KIRREL3: variants seen among roughly 807,000 people sequenced by gnomAD.
KIRREL3 encodes kin of IRRE-like protein 3.
In KIRREL3, 36 loss-of-function variants were observed where a neutral mutation model predicts 89.7. The observed-to-expected ratio is 0.40, with a 90% CI of 0.31 to 0.53. KIRREL3 has a LOEUF of 0.53. Among genes scored for constraint, KIRREL3 ranks in the 20% least tolerant of loss-of-function variants. KIRREL3 has a pLI of 0.49. For synonymous variants in KIRREL3, 445 were observed against 441.4 expected (o/e 1.01, Z -0.10); for missense variants, 864 against 1,056.6 (o/e 0.82, Z 2.53).
intron 1 of KIRREL3, among the ~76,000 whole-genome samples, chr11:126,921,579 CTTCT>C (rs1197218985): frequency 1.8e-5 from 2 of 111,410 alleles, no homozygotes; most frequent in African/African-American, 3.7e-5. Context: ...CTATATCTGT[CTTCT>C]ATCTATCTAT....
intron 1 of KIRREL3, among the ~76,000 whole-genome samples, chr11:126,692,735 G>A (rs1946928819): frequency 6.6e-6 from 1 of 152,162 alleles, no homozygotes; most frequent in Admixed American, 6.5e-5. Flanking sequence ...AAACAAGCCA[G>A]TCACAAAAGG....
chr11:126,581,923 C>T (rs1408900807), intron 1 of KIRREL3, among the ~76,000 whole-genome samples: 10 of 152,142 alleles, frequency 6.6e-5, no homozygotes, highest in Admixed American at 3.9e-4. Context: ...AGGTAACAGA[C>T]CACACCTGAC....
intron 1 of KIRREL3, among the ~76,000 whole-genome samples, chr11:126,738,920 A>C (rs1204617195): frequency 6.6e-6 from 1 of 152,232 alleles, no homozygotes; most frequent in Non-Finnish European, 1.5e-5. Flanking sequence ...AGGGTCCTAA[A>C]CAAAGCATCT....
chr11:126,502,576 T>C (rs1229417305), intron 4 of KIRREL3, among the ~76,000 whole-genome samples: 3 of 152,242 alleles, frequency 2.0e-5, no homozygotes, highest in Non-Finnish European at 4.4e-5. Context: ...CTTTTGGTGC[T>C]GTGTCTCTCT....
rs1946230001 is a variant in KIRREL3, at chr11:126,677,130, T to C, written c.56-114218A>G. ...AAGAATACAATTCAGTGATTTTTAA[T>C]ATATTCGCAGATTTGCACAACCACC... On this transcript the variant is annotated intron_variant, in intron 1 of 16. Coordinates refer to ENST00000525144, the MANE Select transcript of KIRREL3 (RefSeq NM_032531.4). This position sits in a 1 kb window ranked among gnomAD's most constrained non-coding sequence, Gnocchi z 5.1. Among the ~76,000 whole-genome samples, 1 of 152,112 alleles carries C rather than the reference T, an allele frequency of 6.6e-6. No individual in the cohort carries two copies. Among genetic ancestry groups the C allele is most frequent in the South Asian group, 2.1e-4 (1 of 4,826 alleles).
intron 1 of KIRREL3, among the ~76,000 whole-genome samples, chr11:126,939,317 T>C (rs910306091): frequency 6.6e-6 from 1 of 152,182 alleles, no homozygotes; most frequent in Non-Finnish European, 1.5e-5. Flanking sequence ...AATTAGTTTG[T>C]CTTTCTGGAT....
At chr11:126,506,869 C>T (rs561037234) in intron 4 of KIRREL3, among the ~76,000 whole-genome samples, 14 of 152,158 alleles carry the variant, frequency 9.2e-5, no homozygotes, top group Middle Eastern at 6.8e-3. Context: ...AAGTGATCCA[C>T]GTGTCTCAGC....
In KIRREL3 at chr11:126,444,533, C is replaced by A. The variant is rs574414855; in HGVS notation, c.1252+446G>T. ...CCAGCTACTCAGGAAGGTGAGGTTG[C>A]AGTGAGCTGAGATCGTGCCACTGCA... On this transcript the variant is annotated intron_variant, in intron 10 of 16. Transcript: ENST00000525144. Among the ~76,000 whole-genome samples the A allele has an allele frequency of 6.6e-5, 10 of 152,312 alleles. No individual in the cohort carries two copies. The South Asian group carries it at 2.1e-3, about 32-fold the overall frequency.
chr11:126,869,102 CT>C (rs1481822880), intron 1 of KIRREL3, among the ~76,000 whole-genome samples: 1 of 150,722 alleles, frequency 6.6e-6, no homozygotes, highest in Non-Finnish European at 1.5e-5. Flanking sequence ...TCCATTGTAT[CT>C]ACATAGAAAA....
Position 126,473,423 on chromosome 11 carries a change from G to A in KIRREL3, c.477C>T (p.Ser159=), listed in dbSNP as rs781495262. The A allele has an allele frequency of 6.3e-6, 10 of 1,582,546 alleles. No individual in the cohort carries two copies. Among genetic ancestry groups the A allele is most frequent in the Non-Finnish European group, 8.6e-6 (10 of 1,159,392 alleles). The change falls in exon 5 of 17, where the codon AGC becomes AGT. Residue 159 remains serine, a synonymous_variant. Transcript: ENST00000525144. ...DPVILGGPVI[S]LRAGDPLNLT... ...GGTTGAGAGGGTCCCCCGCACGCAG[G>A]CTGATCACAGGGCCCCCCAGGATGA...
rs4937186 is a variant in KIRREL3, at chr11:126,796,417, G to A, written c.55+204038C>T. Among the ~76,000 whole-genome samples, 54,404 of 151,980 alleles carry A rather than the reference G, an allele frequency of 0.36. 10,227 individuals are homozygous for A. Among genetic ancestry groups the A allele is most frequent in the East Asian group, 0.64 (3,281 of 5,130 alleles). ...CCTGTCCCGCAGCATTGGGTGTGGA[G>A]GAAGGCTGAAGGAGGGGACGCGCAG... On this transcript the variant is annotated intron_variant, in intron 1 of 16. Coordinates refer to ENST00000525144, the MANE Select transcript of KIRREL3 (RefSeq NM_032531.4). This position sits in a 1 kb window ranked among gnomAD's most constrained non-coding sequence, Gnocchi z 5.1.
chr11:126,792,937 G>A (rs1950691404), intron 1 of KIRREL3, among the ~76,000 whole-genome samples: 1 of 152,180 alleles, frequency 6.6e-6, no homozygotes, highest in South Asian at 2.1e-4. Context: ...GATGACACAG[G>A]AGTGGGGTGG....
rs1244263455 is a variant in KIRREL3, at chr11:126,687,530, GA to G, written c.56-124619del. Among the ~76,000 whole-genome samples the G allele has an allele frequency of 3.3e-5, 5 of 152,180 alleles. No homozygotes were observed. Among genetic ancestry groups the G allele is most frequent in the Non-Finnish European group, 7.3e-5 (5 of 68,028 alleles). ...TGCTAGTTCTGGAAACACTATGGGG[GA>G]AATTGCAGGGTTTTCTATTAGTTTG... On this transcript the variant is annotated intron_variant, in intron 1 of 16. Transcript: ENST00000525144. This position sits in a 1 kb window ranked among gnomAD's most constrained non-coding sequence, Gnocchi z 4.6.
At chr11:126,534,080 G>C (rs1411355828) in intron 2 of KIRREL3, among the ~76,000 whole-genome samples, 1 of 152,186 alleles carries the variant, frequency 6.6e-6, no homozygotes, top group Non-Finnish European at 1.5e-5. Flanking sequence ...AGACAAGGAT[G>C]TACTCTCTTT....
At chr11:126,644,229 A>G (rs1669406065) in intron 1 of KIRREL3, among the ~76,000 whole-genome samples, 2 of 152,240 alleles carry the variant, frequency 1.3e-5, no homozygotes, top group South Asian at 4.1e-4. Flanking sequence ...TCAAGTAGGC[A>G]GAAGGACGAA....
intron 1 of KIRREL3, among the ~76,000 whole-genome samples, chr11:126,973,947 C>A (rs768630538): frequency 1.8e-4 from 28 of 152,086 alleles, no homozygotes; most frequent in Non-Finnish European, 3.2e-4. Context: ...TCTCTCCCTA[C>A]CAGAAGAGTG....
At chr11:126,536,708 A>C (rs1234927881) in intron 2 of KIRREL3, among the ~76,000 whole-genome samples, 1 of 129,812 alleles carries the variant, frequency 7.7e-6, no homozygotes, top group Non-Finnish European at 1.5e-5. Flanking sequence ...CAGTGGTGCG[A>C]TCTCGGCTTC....
chr11:126,818,617 TA>T (rs1299834221), intron 1 of KIRREL3, among the ~76,000 whole-genome samples: 4 of 67,752 alleles, frequency 5.9e-5, no homozygotes, highest in African/African-American at 1.1e-4. Context: ...GTAGTAGTAG[TA>T]GTAGTAGTGT....
intron 1 of KIRREL3, among the ~76,000 whole-genome samples, chr11:126,984,293 C>G (rs541300931): frequency 6.6e-6 from 1 of 152,346 alleles, no homozygotes; most frequent in East Asian, 1.9e-4. Flanking sequence ...CTTCCCTCTT[C>G]CATACCAAGG....
Sources: gnomAD v4.1 joint callset for allele counts (sites outside exome capture counted in the v4.1 genomes callset) on GRCh38, gnomAD v4.1.1 for gene constraint, Gnocchi (gnomAD v3.1) non-coding constraint, MANE v1.5 for transcripts, NCBI Gene and HGNC (gene_info 2026-07-23, HGNC 2026-07-21) for gene names.